The following GPC5 variants were observed in gnomAD, a reference collection of about 807,000 sequenced individuals.
GPC5 encodes the protein glypican 5, also known as glypican-5.
Under a neutral mutation model 53.9 loss-of-function variants are expected in GPC5, and 47 were observed. The observed-to-expected ratio is 0.87, with a 90% CI of 0.69 to 1.11. The LOEUF (loss-of-function observed/expected upper bound fraction) is 1.11. GPC5 is among the 50% of genes most tolerant of loss of function. The pLI is 0.00. For synonymous variants in GPC5, 286 were observed against 263.3 expected (o/e 1.09, Z -0.84); for missense variants, 748 against 713.1 (o/e 1.05, Z -0.56).
At chr13:92,850,542 T>C (rs990264954) in intron 7 of GPC5, among the ~76,000 whole-genome samples, 1 of 152,084 alleles carries the variant, frequency 6.6e-6, no homozygotes, top group African/African-American at 2.4e-5. Context: ...GAGGCTGTAG[T>C]AAGCCGATGT....
intron 6 of GPC5, among the ~76,000 whole-genome samples, chr13:92,033,560 A>G (rs2040870250): frequency 1.3e-5 from 2 of 152,252 alleles, no homozygotes; most frequent in Admixed American, 6.5e-5. Context: ...TGTACTGTAC[A>G]TGATACAATC....
At chr13:92,324,394 G>C (rs2043236347) in intron 7 of GPC5, among the ~76,000 whole-genome samples, 1 of 151,892 alleles carries the variant, frequency 6.6e-6, no homozygotes, top group Admixed American at 6.6e-5. Flanking sequence ...GACGTGCATG[G>C]TGAGGGATAA....
intron 2 of GPC5, among the ~76,000 whole-genome samples, chr13:91,576,819 G>A (rs781754440): frequency 3.6e-4 from 55 of 152,026 alleles, no homozygotes; most frequent in Non-Finnish European, 7.6e-4. Context: ...AAACTCAGCT[G>A]AAGCCACCAA....
intron 6 of GPC5, among the ~76,000 whole-genome samples, chr13:92,040,504 T>C (rs904387907): frequency 6.6e-6 from 1 of 152,192 alleles, no homozygotes; most frequent in African/African-American, 2.4e-5. Flanking sequence ...TAAAAATTCA[T>C]GTAGTCTACG....
intron 3 of GPC5, among the ~76,000 whole-genome samples, chr13:91,727,599 G>A (rs919514381): frequency 6.6e-5 from 10 of 152,056 alleles, no homozygotes; most frequent in Non-Finnish European, 1.3e-4. Flanking sequence ...CTCATTACAT[G>A]GAAAATCAAA....
At chr13:92,373,891 T>G in intron 7 of GPC5, among the ~76,000 whole-genome samples, 1 of 152,310 alleles carries the variant, frequency 6.6e-6, no homozygotes, top group East Asian at 1.9e-4. Flanking sequence ...ATGGTTAGTG[T>G]CATAAAACTG....
chr13:92,195,241 T>C (rs765459648), intron 7 of GPC5, among the ~76,000 whole-genome samples: 21 of 152,204 alleles, frequency 1.4e-4, no homozygotes, highest in Non-Finnish European at 2.8e-4. Context: ...TTGTTCTTTT[T>C]AATTCAGTGA....
intron 2 of GPC5, among the ~76,000 whole-genome samples, chr13:91,601,112 T>C (rs983196501): frequency 1.3e-5 from 2 of 152,214 alleles, no homozygotes; most frequent in African/African-American, 4.8e-5. Context: ...TCAAGATTTA[T>C]TTTAAAGTTC....
intron 6 of GPC5, among the ~76,000 whole-genome samples, chr13:91,992,902 T>C (rs1390920208): frequency 6.6e-6 from 1 of 152,174 alleles, no homozygotes; most frequent in Non-Finnish European, 1.5e-5. Flanking sequence ...GTTTCATTCA[T>C]GGTCACATGA....
intron 5 of GPC5, among the ~76,000 whole-genome samples, chr13:91,802,478 AC>A (rs1431550266): frequency 2.6e-5 from 4 of 152,172 alleles, no homozygotes; most frequent in Admixed American, 6.5e-5. Flanking sequence ...GAGCAAAAGA[AC>A]AAAGCTTCCA....
chr13:91,468,230 C>T (rs1473016153), intron 2 of GPC5, among the ~76,000 whole-genome samples: 1 of 152,082 alleles, frequency 6.6e-6, no homozygotes, highest in Non-Finnish European at 1.5e-5. Context: ...CACAGCGGAA[C>T]ATAGATGTTC....
At chr13:92,600,684 T>C (rs9634628) in intron 7 of GPC5, among the ~76,000 whole-genome samples, 52,179 of 147,266 alleles carry the variant, frequency 0.35, 11,873 homozygotes, top group East Asian at 0.73. Context: ...TTTTTGCATT[T>C]TTACTAGAGA....
At chr13:91,471,368 T>C (rs996037092) in intron 2 of GPC5, among the ~76,000 whole-genome samples, 2 of 152,140 alleles carry the variant, frequency 1.3e-5, no homozygotes, top group African/African-American at 4.8e-5. Context: ...AGTCCTTTCA[T>C]GCATTTAATA....
chr13:92,563,429 CA>C (rs968517947), intron 7 of GPC5, among the ~76,000 whole-genome samples: 5 of 151,894 alleles, frequency 3.3e-5, no homozygotes, highest in African/African-American at 1.2e-4. Context: ...TTTTTTAATG[CA>C]GTTTTCTCTT....
At chr13:92,192,156 G>T (rs2042226934) in intron 7 of GPC5, among the ~76,000 whole-genome samples, 1 of 151,560 alleles carries the variant, frequency 6.6e-6, no homozygotes, top group Non-Finnish European at 1.5e-5. Context: ...AGCTACAGTG[G>T]TTGATACTTG....
chr13:92,587,100 T>C (rs748042823), intron 7 of GPC5, among the ~76,000 whole-genome samples: 6 of 152,208 alleles, frequency 3.9e-5, no homozygotes, highest in Middle Eastern at 3.4e-3. Context: ...TAAATACATA[T>C]GGTTTGAGAA....
At chr13:92,572,510 A>AT (rs1162743047) in intron 7 of GPC5, among the ~76,000 whole-genome samples, 2 of 152,184 alleles carry the variant, frequency 1.3e-5, no homozygotes, top group African/African-American at 4.8e-5. Context: ...AGGCACACTG[A>AT]TGTCACAGAA....
chr13:92,116,059 TGG>T (rs2041598205), intron 6 of GPC5, among the ~76,000 whole-genome samples: 1 of 152,006 alleles, frequency 6.6e-6, no homozygotes, highest in Non-Finnish European at 1.5e-5. Flanking sequence ...AAGACCAGGC[TGG>T]GCAACATAGC....
chr13:92,449,156 G>A (rs750492315), intron 7 of GPC5: 3 of 151,960 alleles, frequency 2.0e-5, no homozygotes, highest in Non-Finnish European at 4.4e-5. Context: ...GATATTCAAG[G>A]TTTCCTAGGT....
Sources: gnomAD v4.1 joint callset for allele counts (sites outside exome capture counted in the v4.1 genomes callset) on GRCh38, gnomAD v4.1.1 for gene constraint, MANE v1.5 for transcripts, NCBI Gene and HGNC (gene_info 2026-07-23, HGNC 2026-07-21) for gene names.